Variants in GALNT7 observed in about 807,000 individuals in gnomAD.
The protein encoded by GALNT7 is N-acetylgalactosaminyltransferase 7.
GALNT7 carries 60 observed loss-of-function variants against 82.1 expected under a neutral mutation model. That is an observed-to-expected ratio of 0.73 (90% confidence interval 0.59 to 0.91). The LOEUF (loss-of-function observed/expected upper bound fraction) is 0.91. Among genes scored for constraint, GALNT7 ranks in the 40% least tolerant of loss-of-function variants. The probability of loss-of-function intolerance (pLI) is 0.00; values close to 1 mark genes in which losing one functional copy is unlikely to be tolerated. For synonymous variants in GALNT7, 243 were observed against 275.1 expected (o/e 0.88, Z 1.15); for missense variants, 660 against 804.2 (o/e 0.82, Z 2.17).
chr4:173,236,888 T>C (rs972734438), intron 1 of GALNT7, among the ~76,000 whole-genome samples: 2 of 152,238 alleles, frequency 1.3e-5, no homozygotes, highest in African/African-American at 4.8e-5. Context: ...GACAGTTCTT[T>C]TATCTTTTAA....
chr4:173,180,447 C>G (rs572548468), intron 1 of GALNT7, among the ~76,000 whole-genome samples: 43 of 151,676 alleles, frequency 2.8e-4, no homozygotes, highest in African/African-American at 1.0e-3. Context: ...CCTGCCTCAG[C>G]CTCCTGAGTA....
intron 2 of GALNT7, among the ~76,000 whole-genome samples, chr4:173,279,475 A>G (rs1736032966): frequency 1.3e-5 from 2 of 152,202 alleles, no homozygotes; most frequent in African/African-American, 2.4e-5. Context: ...CATCCAAACT[A>G]TATCAAGTGA....
At chr4:173,241,119 C>A (rs1734415503) in intron 1 of GALNT7, among the ~76,000 whole-genome samples, 1 of 151,210 alleles carries the variant, frequency 6.6e-6, no homozygotes, top group Non-Finnish European at 1.5e-5. Context: ...CCCTGTAATC[C>A]TAGCATTTTG....
rs1243902509 is a variant in GALNT7 at position 173,222,207 on chromosome 4, A to G, written c.127-25773A>G. Among the ~76,000 whole-genome samples, 11 of 152,276 alleles carry G rather than the reference A, an allele frequency of 7.2e-5. 1 individual carries two copies. The East Asian group carries it at 1.7e-3, about 24-fold the overall frequency. The stretch of plus-strand genomic sequence containing the variant: ...ACAGTGATGATCTCAACATTACTTT[A>G]ATAATCTATACCACATATTTATGCT... On this transcript the variant is annotated intron_variant, in intron 1 of 11. Transcript: ENST00000265000.
intron 1 of GALNT7, among the ~76,000 whole-genome samples, chr4:173,185,849 TG>T (rs1732446402): frequency 6.6e-6 from 1 of 152,362 alleles, no homozygotes; most frequent in African/African-American, 2.4e-5. Flanking sequence ...CTTATGGTTT[TG>T]GGATAAGCTG....
At chr4:173,288,344 G>A (rs1736415749) in intron 2 of GALNT7, among the ~76,000 whole-genome samples, 1 of 148,830 alleles carries the variant, frequency 6.7e-6, no homozygotes, top group Non-Finnish European at 1.5e-5. Context: ...CCTCTTGACT[G>A]TTAAAGATGG....
chr4:173,227,808 C>G (rs982199233), intron 1 of GALNT7, among the ~76,000 whole-genome samples: 1 of 151,878 alleles, frequency 6.6e-6, no homozygotes, highest in African/African-American at 2.4e-5. Context: ...GTTTTTTGCA[C>G]CTTTTAAAAA....
At chr4:173,213,245 T>C (rs1264376526) in intron 1 of GALNT7, among the ~76,000 whole-genome samples, 2 of 152,086 alleles carry the variant, frequency 1.3e-5, no homozygotes, top group African/African-American at 4.8e-5. Context: ...TTCCTTCTTA[T>C]GCAGAACAGA....
intron 2 of GALNT7, among the ~76,000 whole-genome samples, chr4:173,272,984 A>G (rs1345017515): frequency 6.6e-6 from 1 of 152,194 alleles, no homozygotes; most frequent in Non-Finnish European, 1.5e-5. Flanking sequence ...GTAAGTAAAT[A>G]TTACAACCTG....
At position 173,248,265 on chromosome 4, in the gene GALNT7, A is replaced by G. The variant is rs1334641605; in HGVS notation, c.412A>G (p.Lys138Glu). 6 of 1,613,970 alleles carry G rather than the reference A, an allele frequency of 3.7e-6. No individual in the cohort carries two copies. Among genetic ancestry groups the G allele is most frequent in the Non-Finnish European group, 5.1e-6 (6 of 1,179,890 alleles). Residue 138 changes from lysine (K) to glutamate (E), a missense_variant, in exon 2 of 12, where the codon AAA becomes GAA. Lys to Glu is a moderately conservative substitution (Grantham distance 56). Around this residue, in one of 2 missense-constraint regions of GALNT7, gnomAD observed 527 missense variants for 683.5 expected, o/e 0.77. Coordinates refer to ENST00000265000, the MANE Select transcript of GALNT7 (RefSeq NM_017423.3). ...AGGGATCCTCGGTAACTTTGAACCC[A>G]AAGAACCTGAGCCTCCTGGAGTGGT... is the stretch of plus-strand genomic sequence containing the variant. ...RPGILGNFEP[K>E]EPEPPGVVGG...
intron 2 of GALNT7, among the ~76,000 whole-genome samples, chr4:173,284,058 G>A (rs1031594588): frequency 3.9e-5 from 6 of 152,204 alleles, no homozygotes; most frequent in African/African-American, 1.4e-4. Context: ...ACAAGAATTA[G>A]CAGTGTTCAA....
At position 173,248,008 on chromosome 4, in the gene GALNT7, C is replaced by T; in HGVS notation, c.155C>T (p.Pro52Leu). 6.2e-7 allele frequency: 1 copy of T among 1,613,106 alleles called. No individual in the cohort carries two copies. The highest frequency in any genetic ancestry group is 2.2e-5 in the East Asian group (1 of 44,874). ...REDRDVNDPM[P>L]NRGGNGLAPG... ...GACAGAGATGTCAATGACCCCATGCCCAACCGAGGCGGCAATGGACTAGCT... is the reference window on the plus strand; with the variant it reads ...GACAGAGATGTCAATGACCCCATGCTCAACCGAGGCGGCAATGGACTAGCT... The change falls in exon 2 of 12, where the codon CCC becomes CTC. Residue 52 changes from proline (P) to leucine (L), a missense_variant. Pro to Leu is a moderately conservative substitution (Grantham distance 98, BLOSUM62 -3). Coordinates refer to ENST00000265000, the MANE Select transcript of GALNT7 (RefSeq NM_017423.3).
chr4:173,314,957 G>A (rs957500053), intron 9 of GALNT7, among the ~76,000 whole-genome samples: 3 of 152,140 alleles, frequency 2.0e-5, no homozygotes, highest in Admixed American at 2.0e-4. Flanking sequence ...AAGCAAAGTC[G>A]TTTTTCTCAG....
At chr4:173,195,845 G>A (rs185249684) in intron 1 of GALNT7, among the ~76,000 whole-genome samples, 1 of 152,318 alleles carries the variant, frequency 6.6e-6, no homozygotes, top group East Asian at 1.9e-4. Context: ...CAAAGAGAGT[G>A]CACACACATA....
chr4:173,305,271 A>G (rs1011765826), intron 8 of GALNT7, among the ~76,000 whole-genome samples: 21 of 152,142 alleles, frequency 1.4e-4, no homozygotes, highest in African/African-American at 4.6e-4. Flanking sequence ...CCTTTGCCCA[A>G]TTTAATCAGG....
intron 1 of GALNT7, among the ~76,000 whole-genome samples, chr4:173,183,043 A>AACACACACAC (rs35043722): frequency 2.6e-3 from 327 of 125,094 alleles, no homozygotes; most frequent in Middle Eastern, 4.1e-3. Flanking sequence ...CACACACATA[A>AACACACACAC]ACACACACAC....
intron 10 of GALNT7, among the ~76,000 whole-genome samples, 184 bp downstream of exon 10, chr4:173,317,916 A>G (rs1737667515): frequency 1.3e-5 from 2 of 152,216 alleles, no homozygotes; most frequent in African/African-American, 4.8e-5. Context: ...GAATAATAGC[A>G]GTATTGGTTT....
intron 3 of GALNT7, among the ~76,000 whole-genome samples, chr4:173,293,589 A>G (rs73872537): frequency 0.024 from 3,610 of 152,322 alleles, 157 homozygotes; most frequent in African/African-American, 0.082. Flanking sequence ...TCGTAATAGC[A>G]CTTGGGTTTC....
intron 1 of GALNT7, among the ~76,000 whole-genome samples, chr4:173,239,548 G>T (rs1385003391): frequency 2.0e-5 from 3 of 152,228 alleles, no homozygotes; most frequent in Admixed American, 1.3e-4. Context: ...AAGTGCATCT[G>T]TGTAAACAAA....
Sources: gnomAD v4.1 joint callset for allele counts (sites outside exome capture counted in the v4.1 genomes callset) on GRCh38, gnomAD v4.1.1 for gene constraint, gnomAD v4.1.1 regional missense constraint, MANE v1.5 for transcripts, NCBI Gene and HGNC (gene_info 2026-07-23, HGNC 2026-07-21) for gene names.